The following PHYHIP variants were observed in gnomAD, a reference collection of about 807,000 sequenced individuals.
PHYHIP encodes the protein phytanoyl-CoA hydroxylase-interacting protein.
A neutral mutation model predicts 26.1 loss-of-function variants in PHYHIP; 7 were observed. That is an observed-to-expected ratio of 0.27 (90% CI 0.15 to 0.50). PHYHIP has a LOEUF of 0.50. PHYHIP is among the 20% of genes least tolerant of loss of function. The pLI, the probability that PHYHIP is intolerant of heterozygous loss-of-function variation, is 0.98. For synonymous variants in PHYHIP, 206 were observed against 183.4 expected, an observed-to-expected ratio of 1.12 and a Z score of -1.00; for missense variants, 232 against 454.7, an observed-to-expected ratio of 0.51 and a Z score of 4.45.
intron 2 of PHYHIP, 26 bp from the exon 3 acceptor site, chr8:22,227,051 G>T: frequency 1.9e-6 from 3 of 1,587,594 alleles, no homozygotes; most frequent in Non-Finnish European, 2.6e-6. Flanking sequence ...CAAACAGAGA[G>T]CCAGGCGTCA....
chr8:22,227,792 G>C, intron 2 of PHYHIP: 1 of 452,726 alleles, frequency 2.2e-6, no homozygotes, highest in East Asian at 6.9e-5. Context: ...CAACAGCGAG[G>C]CTGTGCCCTG....
Position 22,228,211 on chromosome 8 carries a change from G to A in PHYHIP, c.147C>T (p.Ser49=), listed in dbSNP as rs1480327908. ...IDLNKKENKN[S]NKFKHRDVPT... ...TACTCACCCGGTGCTTGAACTTGTT[G>A]GAATTCTTATTCTCCTTCTTGTTAA... Residue 49 remains serine, a synonymous_variant, in exon 2 of 5, where the codon TCC becomes TCT. Coordinates refer to ENST00000454243, the MANE Select transcript of PHYHIP (RefSeq NM_014759.5). 6.2e-7 allele frequency: 1 copy of A among 1,614,100 alleles called. No homozygotes were observed. Among genetic ancestry groups the A allele is most frequent in the Non-Finnish European group, 8.5e-7 (1 of 1,179,984 alleles).
intron 4 of PHYHIP, 177 bp downstream of exon 4, chr8:22,224,049 A>G: frequency 1.7e-6 from 1 of 597,958 alleles, no homozygotes; most frequent in South Asian, 1.9e-5. Flanking sequence ...CCCTGAGCCC[A>G]ATCCCCAAAG....
At chr8:22,231,584 C>T (rs1341381673) in intron 1 of PHYHIP, among the ~76,000 whole-genome samples, 7 of 152,146 alleles carry the variant, frequency 4.6e-5, no homozygotes, top group Admixed American at 2.0e-4. Flanking sequence ...TGCAGCAGAA[C>T]GGTCACGGGG....
Position 22,228,301 on chromosome 8 carries a change from G to A in PHYHIP, c.57C>T (p.Ser19=). 1.2e-6 allele frequency: 2 copies of A among 1,611,616 alleles called. No individual in the cohort carries two copies. Among genetic ancestry groups the A allele is most frequent in the Non-Finnish European group, 1.7e-6 (2 of 1,179,378 alleles). ...SIEINNITCD[S]FRISWAMEDS... ...CCTCCATGGCCCAGGAGATGCGGAA[G>A]GAGTCGCAGGTGATGTTGTTGATCT... The change falls in exon 2 of 5, where the codon TCC becomes TCT. Residue 19 remains serine, a synonymous_variant. Coordinates refer to ENST00000454243, the MANE Select transcript of PHYHIP (RefSeq NM_014759.5).
intron 2 of PHYHIP, among the ~76,000 whole-genome samples, 195 bp downstream of exon 2, chr8:22,227,998 C>CA (rs1829786263): frequency 6.6e-6 from 1 of 152,268 alleles, no homozygotes; most frequent in Admixed American, 6.5e-5. Context: ...TGAGGCTTGG[C>CA]ATTGTTATTC....
In PHYHIP at chr8:22,221,516, C is replaced by T. The variant is rs773995004; in HGVS notation, c.830G>A (p.Arg277His). ...CSVEDGELVF[R>H]HAQDLILEII... ...CTCCAGGATGAGGTCCTGGGCGTGG[C>T]GGAAGACCAGCTCCCCATCCTCCAC... Residue 277 changes from arginine to histidine, a missense_variant, in exon 5 of 5, where the codon CGC becomes CAC. Transcript: ENST00000454243. The surrounding 1 kb of genome is among the most constrained non-coding windows in gnomAD (Gnocchi z 7.9). The T allele has an allele frequency of 3.7e-6, 6 of 1,613,928 alleles. No individual in the cohort carries two copies. The highest frequency in any genetic ancestry group is 2.2e-5 in the South Asian group (2 of 91,080).
At chr8:22,227,749 C>T (rs780468554) in intron 2 of PHYHIP, 84 of 457,504 alleles carry the variant, frequency 1.8e-4, no homozygotes, top group Middle Eastern at 6.5e-4. Context: ...AAAAGGGCTC[C>T]GCCCCGACCG....
chr8:22,226,800 A>G, intron 3 of PHYHIP, 51 bp downstream of exon 3: 1 of 1,543,142 alleles, frequency 6.5e-7, no homozygotes. Flanking sequence ...TGACCACAGC[A>G]AAGCCCGACG....
At chr8:22,227,404 G>T (rs996414846) in intron 2 of PHYHIP, among the ~76,000 whole-genome samples, 6 of 152,208 alleles carry the variant, frequency 3.9e-5, no homozygotes, top group African/African-American at 1.2e-4. Flanking sequence ...CTTATTCTTT[G>T]GGGGGGAGGG....
At chr8:22,229,320 G>T (rs1374508469) in intron 1 of PHYHIP, among the ~76,000 whole-genome samples, 2 of 152,196 alleles carry the variant, frequency 1.3e-5, no homozygotes, top group African/African-American at 4.8e-5. Context: ...TGTGTGGCGT[G>T]TGTGCATGCA....
chr8:22,223,456 T>C, intron 4 of PHYHIP, among the ~76,000 whole-genome samples: 1 of 151,100 alleles, frequency 6.6e-6, no homozygotes, highest in South Asian at 2.1e-4. Context: ...GGCCCGGGGA[T>C]GGTGGGTACT....
intron 4 of PHYHIP, chr8:22,223,996 C>A (rs917058625): frequency 1.2e-5 from 6 of 517,406 alleles, no homozygotes; most frequent in African/African-American, 3.9e-5. Flanking sequence ...CTCATTAGTA[C>A]AACACTCTTG....
rs374720829 is a variant in PHYHIP, at chr8:22,221,416, C to A, written c.930G>T (p.Leu310=). Residue 310 remains leucine (L), a synonymous_variant, in exon 5 of 5, where the codon CTG becomes CTT. Coordinates refer to ENST00000454243, the MANE Select transcript of PHYHIP (RefSeq NM_014759.5). The surrounding 1 kb of genome is among the most constrained non-coding windows in gnomAD (Gnocchi z 7.9). The part of the protein sequence containing the change: ...GEISGHQLMS[L]STADAKKDPS... ...GGTCCTTCTTGGCATCGGCAGTAGA[C>A]AGACTCATGAGCTGGTGCCCACTGA... 2.1e-5 allele frequency: 34 copies of A among 1,613,418 alleles called. No homozygotes were observed. The highest frequency in any genetic ancestry group is 2.9e-5 in the Non-Finnish European group (34 of 1,179,672).
At chr8:22,225,661 C>T (rs1254757203) in intron 3 of PHYHIP, among the ~76,000 whole-genome samples, 5 of 125,936 alleles carry the variant, frequency 4.0e-5, no homozygotes, top group Admixed American at 2.3e-4. Flanking sequence ...AAAAAATAGC[C>T]AGGCATGGTG....
At position 22,221,316 on chromosome 8, in the gene PHYHIP, C is replaced by T. The variant is rs1314928256; in HGVS notation, c.*37G>A. The T allele has an allele frequency of 5.9e-6, 9 of 1,523,682 alleles. No individual in the cohort carries two copies. The highest frequency in any genetic ancestry group is 5.5e-5 in the African/African-American group (4 of 72,114). The allele number at this position is 1,523,682 out of a possible 1,614,324, so 94.4% of individuals were successfully genotyped here. On this transcript the variant is annotated 3_prime_UTR_variant, in exon 5 of 5. Coordinates refer to ENST00000454243, the MANE Select transcript of PHYHIP (RefSeq NM_014759.5). The surrounding 1 kb of genome is among the most constrained non-coding windows in gnomAD (Gnocchi z 7.9). ...CTGGGCTACCCACCTCCACCTTCCG[C>T]TCATCTCTCCCTCGCCCCCCAGCTC...
In PHYHIP at chr8:22,228,295, G is replaced by A. The variant is rs931359621; in HGVS notation, c.63C>T (p.Arg21=). Residue 21 remains arginine, a synonymous_variant, in exon 2 of 5, where the codon CGC becomes CGT. Transcript: ENST00000454243. ...CACTGTCCTCCATGGCCCAGGAGATGCGGAAGGAGTCGCAGGTGATGTTGT... is the reference window on the plus strand; with the variant it reads ...CACTGTCCTCCATGGCCCAGGAGATACGGAAGGAGTCGCAGGTGATGTTGT... The part of the protein sequence containing the change: ...EINNITCDSF[R]ISWAMEDSDL... 3.1e-6 allele frequency: 5 copies of A among 1,612,316 alleles called. No individual in the cohort carries two copies. The South Asian group carries it at 5.5e-5, about 18-fold the overall frequency.
Position 22,221,845 on chromosome 8 carries a change from G to C in PHYHIP, c.501C>G (p.Asn167Lys). 6.4e-7 allele frequency: 1 copy of C among 1,565,612 alleles called. No homozygotes were observed. The highest frequency in any genetic ancestry group is 8.7e-7 in the Non-Finnish European group (1 of 1,154,332). ...TGGTGGGGGAGCCGTGGCTGCCACT[G>C]TTGTCCTTCAGGTAAGGCTGCAGCA... ...GNMLQPYLKD[N>K]SGSHGSPTSG... Residue 167 changes from asparagine to lysine, a missense_variant, in exon 5 of 5, where the codon AAC becomes AAG. Asn to Lys is a moderately conservative substitution (Grantham distance 94). Coordinates refer to ENST00000454243, the MANE Select transcript of PHYHIP (RefSeq NM_014759.5). The surrounding 1 kb of genome is among the most constrained non-coding windows in gnomAD (Gnocchi z 7.9).
At position 22,228,190 on chromosome 8, in the gene PHYHIP, C is replaced by T. The variant is rs747358387; in HGVS notation, c.165+3G>A. Reference sequence around the variant, plus strand: ...AGGGGCTCCCAGGACACCTTCTACTCACCCGGTGCTTGAACTTGTTGGAAT... The same window carrying T: ...AGGGGCTCCCAGGACACCTTCTACTTACCCGGTGCTTGAACTTGTTGGAAT... On this transcript the variant is annotated splice_donor_region_variant and intron_variant, in intron 2 of 4. Coordinates refer to ENST00000454243, the MANE Select transcript of PHYHIP (RefSeq NM_014759.5). 4 of 1,613,680 alleles carry T rather than the reference C, an allele frequency of 2.5e-6. No individual in the cohort carries two copies. The South Asian group carries it at 4.4e-5, about 18-fold the overall frequency.
Sources: allele counts gnomAD v4.1 joint callset (sites outside exome capture counted in the v4.1 genomes callset), GRCh38; gene constraint gnomAD v4.1.1; non-coding constraint Gnocchi (gnomAD v3.1); transcripts MANE v1.5; gene names NCBI Gene and HGNC (gene_info 2026-07-23, HGNC 2026-07-21).